Variants in AFAP1 observed in about 807,000 individuals in gnomAD.
AFAP1 encodes the protein actin filament associated protein 1.
Under a neutral mutation model 93.9 loss-of-function variants are expected in AFAP1, and 75 were observed. That is an observed-to-expected ratio of 0.80 (90% CI 0.66 to 0.97). The LOEUF (loss-of-function observed/expected upper bound fraction) is 0.97. Among genes scored for constraint, AFAP1 ranks in the 50% least tolerant of loss-of-function variants. AFAP1 has a pLI of 0.00. For missense variants in AFAP1, 1,201 were observed against 1,050.8 expected, an observed-to-expected ratio of 1.14 and a Z score of -1.98; for synonymous variants, 517 against 430.7, an observed-to-expected ratio of 1.20 and a Z score of -2.48.
chr4:7,924,489 T>C (rs775597301), intron 1 of AFAP1, among the ~76,000 whole-genome samples: 1 of 152,174 alleles, frequency 6.6e-6, no homozygotes, highest in Non-Finnish European at 1.5e-5. Context: ...TGTTGAAGAT[T>C]TCCTATTTTA....
At chr4:7,772,756 G>T in intron 16 of AFAP1, 64 bp downstream of exon 16, 2 of 1,499,732 alleles carry the variant, frequency 1.3e-6, no homozygotes, top group Non-Finnish European at 1.8e-6. Context: ...TTCTCTCTGG[G>T]TGCACTGGCC....
At chr4:7,908,306 C>G (rs926121965) in intron 1 of AFAP1, among the ~76,000 whole-genome samples, 1 of 152,198 alleles carries the variant, frequency 6.6e-6, no homozygotes, top group Admixed American at 6.5e-5. Flanking sequence ...ACACAGGGTG[C>G]CCCTTTATCT....
At chr4:7,887,251 T>A (rs1256978101) in intron 1 of AFAP1, among the ~76,000 whole-genome samples, 1 of 152,190 alleles carries the variant, frequency 6.6e-6, no homozygotes, top group Non-Finnish European at 1.5e-5. Context: ...TGTCACATAT[T>A]TTGAACATTC....
chr4:7,820,049 G>T (rs1262768138), intron 6 of AFAP1, among the ~76,000 whole-genome samples: 1 of 152,190 alleles, frequency 6.6e-6, no homozygotes, highest in East Asian at 1.9e-4. Flanking sequence ...CAACAACAAC[G>T]AAAAAGCATA....
At chr4:7,903,922 A>G (rs993757093) in intron 1 of AFAP1, among the ~76,000 whole-genome samples, 2 of 151,796 alleles carry the variant, frequency 1.3e-5, no homozygotes, top group African/African-American at 4.8e-5. Flanking sequence ...AAAGCTCTGT[A>G]AGCCATCTGG....
At chr4:7,804,254 C>G (rs1208634865) in intron 9 of AFAP1, among the ~76,000 whole-genome samples, 1 of 152,226 alleles carries the variant, frequency 6.6e-6, no homozygotes, top group Non-Finnish European at 1.5e-5. Context: ...GGATCAAGAA[C>G]TGCAGGCGGG....
rs755652603 is a variant in AFAP1, at chr4:7,889,703, T to TA, written c.-2-17624_-2-17623insT. ...CCTCAATGAAGCGTTTTTTTTTTTT[T>TA]TAAAAAAAGAACAATTGAAAAATGA... On this transcript the variant is annotated intron_variant, in intron 1 of 17. Coordinates refer to ENST00000420658, the MANE Select transcript of AFAP1 (RefSeq NM_001134647.2). Among the ~76,000 whole-genome samples, 509 of 77,416 alleles carry TA rather than the reference T, an allele frequency of 6.6e-3. 9 individuals are homozygous for TA. In the East Asian group the frequency reaches 0.12, roughly 18 times the overall value. 50.8% of individuals were successfully genotyped at this position (77,416 alleles called of 152,430 possible). A position where few individuals can be genotyped will look rare whatever the true frequency, so the allele number is the denominator to read the frequency against.
chr4:7,875,613 T>G (rs1439133824), intron 1 of AFAP1, among the ~76,000 whole-genome samples: 4 of 140,136 alleles, frequency 2.9e-5, no homozygotes, highest in Middle Eastern at 3.6e-3. Context: ...AGTGAGACCC[T>G]GACTCTCAAA....
intron 4 of AFAP1, 127 bp downstream of exon 4, chr4:7,855,339 T>C: frequency 1.4e-6 from 1 of 702,222 alleles, no homozygotes; most frequent in Middle Eastern, 4.0e-4. Context: ...CTCTTTGGGT[T>C]CAAAAAGTAC....
At chr4:7,772,731 C>A in intron 16 of AFAP1, 89 bp downstream of exon 16, 1 of 1,321,080 alleles carries the variant, frequency 7.6e-7, no homozygotes, top group South Asian at 1.4e-5. Context: ...AGCTACGCCC[C>A]AGAGCCACTC....
chr4:7,871,096 G>C (rs550515620), intron 2 of AFAP1, among the ~76,000 whole-genome samples: 2 of 152,078 alleles, frequency 1.3e-5, no homozygotes, highest in Non-Finnish European at 2.9e-5. Flanking sequence ...TGCTTCTCAG[G>C]TGCTCTCATA....
intron 1 of AFAP1, among the ~76,000 whole-genome samples, chr4:7,912,208 G>A (rs1344207209): frequency 1.3e-5 from 2 of 152,222 alleles, no homozygotes; most frequent in Non-Finnish European, 2.9e-5. Flanking sequence ...CTGCTGAGTG[G>A]TGTCCGGGCT....
At chr4:7,857,060 T>TTC (rs999644555) in intron 3 of AFAP1, among the ~76,000 whole-genome samples, 3 of 152,170 alleles carry the variant, frequency 2.0e-5, no homozygotes, top group Non-Finnish European at 1.5e-5. Flanking sequence ...TTCATATTCT[T>TTC]TCTCTCTCCC....
chr4:7,905,201 T>C (rs1466895121), intron 1 of AFAP1, among the ~76,000 whole-genome samples: 1 of 152,192 alleles, frequency 6.6e-6, no homozygotes, highest in African/African-American at 2.4e-5. Flanking sequence ...GATGCATACA[T>C]GTGTCTTGAT....
chr4:7,880,568 G>A (rs1423563676), intron 1 of AFAP1, among the ~76,000 whole-genome samples: 3 of 152,138 alleles, frequency 2.0e-5, no homozygotes, highest in Admixed American at 6.5e-5. Context: ...GTGAGCCACC[G>A]CACCCGGCCC....
intron 1 of AFAP1, among the ~76,000 whole-genome samples, chr4:7,925,078 C>T (rs1267877137): frequency 6.6e-6 from 1 of 152,068 alleles, no homozygotes. Context: ...CTGCCACATG[C>T]AAGTGACGAC....
At chr4:7,809,816 G>GA (rs573022095) in intron 8 of AFAP1, 53 bp from the exon 9 acceptor site, 21,563 of 1,335,784 alleles carry the variant, frequency 0.016, 1 homozygote, top group East Asian at 0.018. Flanking sequence ...GATATTAATT[G>GA]AAAAAAAAAA....
chr4:7,885,446 C>T (rs962424394), intron 1 of AFAP1, among the ~76,000 whole-genome samples: 2 of 152,178 alleles, frequency 1.3e-5, no homozygotes, highest in Admixed American at 6.5e-5. Context: ...GACTCAGCTG[C>T]GTCTCCCCCG....
At chr4:7,904,946 G>A (rs1255233219) in intron 1 of AFAP1, among the ~76,000 whole-genome samples, 2 of 152,142 alleles carry the variant, frequency 1.3e-5, no homozygotes, top group Admixed American at 1.3e-4. Context: ...GGGCTCAAGC[G>A]ATCCTCCCAG....
Sources: allele counts gnomAD v4.1 joint callset (sites outside exome capture counted in the v4.1 genomes callset), GRCh38; gene constraint gnomAD v4.1.1; transcripts MANE v1.5; gene names NCBI Gene and HGNC (gene_info 2026-07-23, HGNC 2026-07-21).